The following PUM1 variants were observed in gnomAD, a reference collection of about 807,000 sequenced individuals.
The protein encoded by PUM1 is pumilio homolog 1.
Under a neutral mutation model 131.8 loss-of-function variants are expected in PUM1, and 13 were observed. The ratio of observed to expected loss-of-function variants is 0.10; its 90% CI spans 0.06 to 0.16. The LOEUF is 0.16. PUM1 is among the 10% of genes least tolerant of loss of function. The pLI, the probability that PUM1 is intolerant of heterozygous loss-of-function variation, is 1.00. For synonymous variants in PUM1, 509 were observed against 556.5 expected, an observed-to-expected ratio of 0.91 and a Z score of 1.20; for missense variants, 961 against 1,512.4, an observed-to-expected ratio of 0.64 and a Z score of 6.05.
chr1:30,999,856 T>G (rs932528023), intron 5 of PUM1, among the ~76,000 whole-genome samples: 3 of 152,232 alleles, frequency 2.0e-5, no homozygotes, highest in Non-Finnish European at 4.4e-5. Context: ...TGGTGTTTCT[T>G]TGTAACACTA....
intron 9 of PUM1, among the ~76,000 whole-genome samples, chr1:30,978,570 T>C (rs935767773): frequency 6.6e-6 from 1 of 152,216 alleles, no homozygotes; most frequent in Non-Finnish European, 1.5e-5. Context: ...TAATTGCAAA[T>C]TACATGTTAC....
intron 2 of PUM1, among the ~76,000 whole-genome samples, chr1:31,049,190 G>A (rs1324157462): frequency 2.6e-5 from 4 of 151,492 alleles, no homozygotes; most frequent in Non-Finnish European, 4.4e-5. Context: ...GGGTGACAGC[G>A]AAACTCTGTC....
chr1:30,950,150 T>G lies in PUM1; in HGVS notation c.2833A>C (p.Ile945Leu). ...ACAATTACCTGCTGGTCTGAAGGAA[T>G]AAACTCAAGAGCTTTCTGGATAACA... ...CRVIQKALEF[I>L]PSDQQVINEM... Residue 945 changes from isoleucine (I) to leucine (L), a missense_variant, in exon 17 of 22, where the codon ATT becomes CTT. Physicochemically the swap from Ile to Leu is conservative, Grantham distance 5. This residue lies in a region of PUM1 where 178 missense variants were observed against 327.5 expected (regional missense o/e 0.54). Coordinates refer to ENST00000426105, the MANE Select transcript of PUM1 (RefSeq NM_001020658.2). The G allele has an allele frequency of 1.9e-6, 3 of 1,613,374 alleles. No homozygotes were observed. Among genetic ancestry groups the G allele is most frequent in the Non-Finnish European group, 2.5e-6 (3 of 1,179,690 alleles).
chr1:30,997,846 C>T (rs1285428712), intron 5 of PUM1, among the ~76,000 whole-genome samples: 5 of 152,046 alleles, frequency 3.3e-5, no homozygotes, highest in African/African-American at 4.8e-5. Context: ...CAAAGATTAC[C>T]GGCATGCACC....
intron 5 of PUM1, among the ~76,000 whole-genome samples, chr1:31,003,935 G>C (rs1170254934): frequency 6.6e-6 from 1 of 152,118 alleles, no homozygotes. Flanking sequence ...CCTTCTAAAA[G>C]AAGCTGGAAC....
chr1:30,945,149 G>A (rs1332506896), intron 18 of PUM1, among the ~76,000 whole-genome samples, 197 bp downstream of exon 18: 2 of 152,038 alleles, frequency 1.3e-5, no homozygotes, highest in African/African-American at 4.8e-5. Flanking sequence ...GGGGAGGATT[G>A]CTTGAACCTG....
rs1639023502 is a variant in PUM1 at position 30,933,089 on chromosome 1, T to C, written c.*122A>G. 1 of 1,251,450 alleles carries C rather than the reference T, an allele frequency of 8.0e-7. No individual in the cohort carries two copies. Among genetic ancestry groups the C allele is most frequent in the Non-Finnish European group, 1.1e-6 (1 of 920,354 alleles). The allele number at this position is 1,251,450 out of a possible 1,614,324, so 77.5% of individuals were successfully genotyped here. A position where few individuals can be genotyped will look rare whatever the true frequency, so the allele number is the denominator to read the frequency against. ...TTGATTCCTTTTTTGGAGGAGGGAG[T>C]AATCCTGGAGCAACCACTTGCCCGT... is the stretch of plus-strand genomic sequence containing the variant. On this transcript the variant is annotated 3_prime_UTR_variant, in exon 22 of 22. Coordinates refer to ENST00000426105, the MANE Select transcript of PUM1 (RefSeq NM_001020658.2).
At chr1:30,942,191 TTATATA>T (rs58848270) in intron 18 of PUM1, 68 bp from the exon 19 acceptor site, 2,109 of 144,854 alleles carry the variant, frequency 0.015, 19 homozygotes, top group African/African-American at 0.021. Flanking sequence ...TCAGTATTGT[TTATATA>T]TATATATATA....
intron 21 of PUM1, among the ~76,000 whole-genome samples, chr1:30,934,192 T>C (rs1557540119): frequency 6.6e-6 from 1 of 152,220 alleles, no homozygotes; most frequent in Non-Finnish European, 1.5e-5. Context: ...GAGGTGCTTC[T>C]TCTCTGGAAG....
intron 7 of PUM1, among the ~76,000 whole-genome samples, chr1:30,986,411 A>C (rs184078553): frequency 6.6e-6 from 1 of 152,352 alleles, no homozygotes; most frequent in Non-Finnish European, 1.5e-5. Context: ...TCAGCATATG[A>C]AATTTGTGAA....
intron 2 of PUM1, among the ~76,000 whole-genome samples, chr1:31,044,496 C>T (rs1002771320): frequency 3.9e-5 from 6 of 152,100 alleles, no homozygotes; most frequent in Non-Finnish European, 7.4e-5. Flanking sequence ...AAGGCAGTCA[C>T]AAAACATGCT....
At chr1:30,979,949 C>A in intron 9 of PUM1, 113 bp downstream of exon 9, 1 of 706,652 alleles carries the variant, frequency 1.4e-6, no homozygotes, top group Non-Finnish European at 2.3e-6. Context: ...CATTGAAAAT[C>A]TGGATAATCT....
chr1:31,004,490 T>C (rs1642328400), intron 5 of PUM1, among the ~76,000 whole-genome samples: 1 of 151,794 alleles, frequency 6.6e-6, no homozygotes. Context: ...GGGGATAGGG[T>C]GAAGAAAGAG....
rs1041315641 is a variant in PUM1 at position 31,013,153 on chromosome 1, T to C, written c.433-6051A>G. On this transcript the variant is annotated intron_variant, in intron 3 of 21. Transcript: ENST00000426105. Reference sequence around the variant, plus strand: ...AGTGATCATGGCATCACCTAGGCCATGTCAGTACAAACCTCATTACATTAA... The same window carrying C: ...AGTGATCATGGCATCACCTAGGCCACGTCAGTACAAACCTCATTACATTAA... 4.6e-5 allele frequency among the ~76,000 whole-genome samples: 7 copies of C among 152,206 alleles called. No homozygotes were observed. The East Asian group carries it at 1.3e-3, about 29-fold the overall frequency.
At chr1:31,015,357 T>A (rs1220675691) in intron 3 of PUM1, among the ~76,000 whole-genome samples, 2 of 152,140 alleles carry the variant, frequency 1.3e-5, no homozygotes, top group Non-Finnish European at 2.9e-5. Context: ...CTTTTTTTTT[T>A]TTGAGACGGA....
At chr1:31,058,010 G>C (rs899073905) in intron 2 of PUM1, among the ~76,000 whole-genome samples, 2 of 152,052 alleles carry the variant, frequency 1.3e-5, no homozygotes, top group Admixed American at 6.6e-5. Flanking sequence ...ACATGGATAA[G>C]GCTAACCTCT....
rs1391173541 is a variant in PUM1 at position 30,932,935 on chromosome 1, G to A, written c.*276C>T. The stretch of plus-strand genomic sequence containing the variant: ...GTGAACAAAATATGTGGCCTCCCAT[G>A]TACATTGGTTACCTATGTACAAGTA... On this transcript the variant is annotated 3_prime_UTR_variant, in exon 22 of 22. Transcript: ENST00000426105. 1 of 251,902 alleles carries A rather than the reference G, an allele frequency of 4.0e-6. No individual in the cohort carries two copies. The highest frequency in any genetic ancestry group is 7.4e-6 in the Non-Finnish European group (1 of 135,634). The allele number at this position is 251,902 out of a possible 1,614,324, so 15.6% of individuals were successfully genotyped here.
intron 14 of PUM1, among the ~76,000 whole-genome samples, chr1:30,963,306 C>T (rs1321733771): frequency 1.3e-5 from 2 of 152,162 alleles, no homozygotes; most frequent in Non-Finnish European, 2.9e-5. Context: ...GGCATTGTGT[C>T]ACTAGGAAAC....
chr1:31,008,873 A>G (rs1383299910), intron 3 of PUM1, among the ~76,000 whole-genome samples: 2 of 151,958 alleles, frequency 1.3e-5, no homozygotes, highest in Non-Finnish European at 2.9e-5. Context: ...TAGTCTCAAA[A>G]ATGTCCTGTC....
Sources: allele counts gnomAD v4.1 joint callset (sites outside exome capture counted in the v4.1 genomes callset), GRCh38; gene constraint gnomAD v4.1.1; regional missense constraint gnomAD v4.1.1; transcripts MANE v1.5; gene names NCBI Gene and HGNC (gene_info 2026-07-23, HGNC 2026-07-21).